ZNF431: variants seen among roughly 807,000 people sequenced by gnomAD.
ZNF431 encodes zinc finger protein 431.
In ZNF431, 34 loss-of-function variants were observed where a neutral mutation model predicts 57.0. That is an observed-to-expected ratio of 0.60 (90% CI 0.45 to 0.79). The LOEUF is 0.79. Ranked by LOEUF, ZNF431 falls within the 30% of genes least tolerant of loss-of-function variation. The probability of loss-of-function intolerance (pLI) is 0.00; values close to 1 mark genes in which losing one functional copy is unlikely to be tolerated. For synonymous variants in ZNF431, 207 were observed against 220.3 expected, an observed-to-expected ratio of 0.94 and a Z score of 0.54; for missense variants, 607 against 667.1, an observed-to-expected ratio of 0.91 and a Z score of 0.99.
intron 4 of ZNF431, among the ~76,000 whole-genome samples, chr19:21,179,177 G>C (rs1310543477): frequency 6.6e-6 from 1 of 152,120 alleles, no homozygotes; most frequent in African/African-American, 2.4e-5. Flanking sequence ...AGTATTTTCC[G>C]AACATTGTTT....
chr19:21,155,835 G>C (rs1970401326), intron 2 of ZNF431, among the ~76,000 whole-genome samples: 1 of 152,130 alleles, frequency 6.6e-6, no homozygotes, highest in African/African-American at 2.4e-5. Flanking sequence ...AGATATCCCA[G>C]AGCCCTGTCC....
chr19:21,173,535 A>T (rs758256850), intron 4 of ZNF431, among the ~76,000 whole-genome samples: 2 of 151,940 alleles, frequency 1.3e-5, no homozygotes, highest in Non-Finnish European at 2.9e-5. Context: ...TTATTTTTTG[A>T]GATGGAGTCT....
intron 4 of ZNF431, among the ~76,000 whole-genome samples, chr19:21,175,170 T>C (rs914403861): frequency 3.3e-5 from 5 of 152,180 alleles, no homozygotes; most frequent in East Asian, 1.9e-4. Context: ...CTCATTTCAG[T>C]TTCTTGAGTA....
intron 4 of ZNF431, among the ~76,000 whole-genome samples, chr19:21,176,809 G>GC (rs1170982607): frequency 1.3e-5 from 2 of 151,986 alleles, no homozygotes; most frequent in Non-Finnish European, 2.9e-5. Flanking sequence ...GCAATTCTCT[G>GC]CCTCAGCTTC....
At chr19:21,168,399 ACT>A (rs1303975305) in intron 4 of ZNF431, among the ~76,000 whole-genome samples, 2 of 150,916 alleles carry the variant, frequency 1.3e-5, no homozygotes, top group African/African-American at 4.9e-5. Flanking sequence ...ACAGAATCTC[ACT>A]CTGTCATCAG....
Position 21,184,229 on chromosome 19 carries a change from A to G in ZNF431, c.*195A>G. 4.1e-6 allele frequency: 2 copies of G among 493,440 alleles called. No individual in the cohort carries two copies. Among genetic ancestry groups the G allele is most frequent in the Non-Finnish European group, 7.1e-6 (2 of 283,606 alleles). 30.6% of individuals were successfully genotyped at this position (493,440 alleles called of 1,614,324 possible). ...TCTGGGTGTGGTGGCACGTGCCTGTATTCCCATCTACTCGGGAGGCTTAGG... is the reference window on the plus strand; with the variant it reads ...TCTGGGTGTGGTGGCACGTGCCTGTGTTCCCATCTACTCGGGAGGCTTAGG... On this transcript the variant is annotated 3_prime_UTR_variant, in exon 5 of 5. Coordinates refer to ENST00000311048, the MANE Select transcript of ZNF431 (RefSeq NM_133473.4).
Position 21,170,220 on chromosome 19 carries a change from C to G in ZNF431, c.319+2554C>G, listed in dbSNP as rs866146123. 2.6e-5 allele frequency among the ~76,000 whole-genome samples: 4 copies of G among 152,158 alleles called. No individual in the cohort carries two copies. In the South Asian group the frequency reaches 6.2e-4, roughly 24 times the overall value. On this transcript the variant is annotated intron_variant, in intron 4 of 4. Transcript: ENST00000311048. ...CTTGTTTATCATCTGGTCTGGAAAT[C>G]CAGGCCTGCAGCAATTCTCCAACCT... is the stretch of plus-strand genomic sequence containing the variant.
rs1227260160 is a variant in ZNF431, at chr19:21,186,389, A to G, written c.*2355A>G. 6.6e-6 allele frequency: 1 copy of G among 152,240 alleles called. No homozygotes were observed. Among genetic ancestry groups the G allele is most frequent in the African/African-American group, 2.4e-5 (1 of 41,460 alleles). 9.4% of individuals were successfully genotyped at this position (152,240 alleles called of 1,614,324 possible). A position where few individuals can be genotyped will look rare whatever the true frequency, so the allele number is the denominator to read the frequency against. Reference sequence around the variant, plus strand: ...TTTAGTTTTGATTCATATAGAGTTAAATACATGTTAGTCTAAAGACAAATC... The same window carrying G: ...TTTAGTTTTGATTCATATAGAGTTAGATACATGTTAGTCTAAAGACAAATC... On this transcript the variant is annotated 3_prime_UTR_variant, in exon 5 of 5. Transcript: ENST00000311048.
rs1971289392 is a variant in ZNF431 at position 21,183,886 on chromosome 19, C to T, written c.1583C>T (p.Thr528Ile). 3.7e-6 allele frequency: 6 copies of T among 1,613,872 alleles called. No homozygotes were observed. Among genetic ancestry groups the T allele is most frequent in the Non-Finnish European group, 5.1e-6 (6 of 1,179,830 alleles). Residue 528 changes from threonine to isoleucine, a missense_variant, in exon 5 of 5, where the codon ACT (threonine) becomes ATT (isoleucine). Coordinates refer to ENST00000311048, the MANE Select transcript of ZNF431 (RefSeq NM_133473.4). ...GCCTTTAACCAATCCTCAACTCTTA[C>T]TAAACATAGGAAAATTCATACTAGA... Reference protein sequence around the residue: ...GKAFNQSSTLTKHRKIHTRQK... With the variant: ...GKAFNQSSTLIKHRKIHTRQK...
intron 2 of ZNF431, among the ~76,000 whole-genome samples, chr19:21,155,615 C>T (rs1458502681): frequency 6.6e-6 from 1 of 152,108 alleles, no homozygotes; most frequent in Non-Finnish European, 1.5e-5. Context: ...CTTGCGGAGT[C>T]CCCAATTTTT....
In ZNF431 at chr19:21,185,297, G is replaced by A. The variant is rs1397392067; in HGVS notation, c.*1263G>A. ...TTGCAGAGTTATAATTACATTCAAAGTATACTTTATTTCTTGAAAAATATT... is the reference window on the plus strand; with the variant it reads ...TTGCAGAGTTATAATTACATTCAAAATATACTTTATTTCTTGAAAAATATT... On this transcript the variant is annotated 3_prime_UTR_variant, in exon 5 of 5. Coordinates refer to ENST00000311048, the MANE Select transcript of ZNF431 (RefSeq NM_133473.4). 2.0e-5 allele frequency: 3 copies of A among 152,134 alleles called. No homozygotes were observed. The highest frequency in any genetic ancestry group is 6.5e-5 in the Admixed American group (1 of 15,276). The allele number at this position is 152,134 out of a possible 1,614,324, so 9.4% of individuals were successfully genotyped here.
chr19:21,189,073 AT>A lies in ZNF431; in HGVS notation c.*5041del, dbSNP rs900915107. On this transcript the variant is annotated 3_prime_UTR_variant, in exon 5 of 5. Transcript: ENST00000311048. ...AAGACACAGTATTTGACACATTGTT[AT>A]TCTTCTATGTTTTATAAATATTTTA... 245 of 152,334 alleles carry A rather than the reference AT, an allele frequency of 1.6e-3. 3 individuals carry two copies. The highest frequency in any genetic ancestry group is 5.5e-3 in the African/African-American group (228 of 41,588). The allele number at this position is 152,334 out of a possible 1,614,324, so 9.4% of individuals were successfully genotyped here.
In ZNF431 at chr19:21,194,306, G is replaced by T. The variant is rs1041843340; in HGVS notation, c.*10272G>T. On this transcript the variant is annotated 3_prime_UTR_variant, in exon 5 of 5. Transcript: ENST00000311048. ...CTTAGAAATACATCAAACCAGGGAGGTAAAATATCTCTACAAGAACTAGAA... is the reference window on the plus strand; with the variant it reads ...CTTAGAAATACATCAAACCAGGGAGTTAAAATATCTCTACAAGAACTAGAA... 1.3e-5 allele frequency: 2 copies of T among 152,056 alleles called. No homozygotes were observed. The allele number at this position is 152,056 out of a possible 1,614,324, so 9.4% of individuals were successfully genotyped here. A position where few individuals can be genotyped will look rare whatever the true frequency, so the allele number is the denominator to read the frequency against.
chr19:21,176,503 A>G (rs995994840), intron 4 of ZNF431, among the ~76,000 whole-genome samples: 1 of 151,910 alleles, frequency 6.6e-6, no homozygotes, highest in Admixed American at 6.6e-5. Context: ...TCGGCCTCCC[A>G]AAGTGCTGGG....
intron 4 of ZNF431, among the ~76,000 whole-genome samples, chr19:21,177,433 T>C (rs1224188252): frequency 6.6e-6 from 1 of 152,168 alleles, no homozygotes; most frequent in Non-Finnish European, 1.5e-5. Context: ...ACTACAGCTT[T>C]GTAGTATAGT....
rs540547067 is a variant in ZNF431, at chr19:21,194,413, C to G, written c.*10379C>G. 4.0e-5 allele frequency: 6 copies of G among 151,778 alleles called. No individual in the cohort carries two copies. The highest frequency in any genetic ancestry group is 9.7e-5 in the African/African-American group (4 of 41,448). The allele number at this position is 151,778 out of a possible 1,614,324, so 9.4% of individuals were successfully genotyped here. ...GATTTGAAGAATGAATAGAAAATGT[C>G]TATGCTGCCTAGAGCAGCCTACAAA... On this transcript the variant is annotated 3_prime_UTR_variant, in exon 5 of 5. Coordinates refer to ENST00000311048, the MANE Select transcript of ZNF431 (RefSeq NM_133473.4).
At chr19:21,154,838 A>G (rs1970375830) in intron 2 of ZNF431, among the ~76,000 whole-genome samples, 1 of 152,130 alleles carries the variant, frequency 6.6e-6, no homozygotes, top group Non-Finnish European at 1.5e-5. Flanking sequence ...GTGTCTGTTC[A>G]TATCCTTTGC....
In ZNF431 at chr19:21,184,224, C is replaced by T. The variant is rs894245315; in HGVS notation, c.*190C>T. The T allele has an allele frequency of 5.9e-6, 3 of 507,496 alleles. No individual in the cohort carries two copies. The highest frequency in any genetic ancestry group is 3.8e-5 in the Admixed American group (1 of 26,496). 31.4% of individuals were successfully genotyped at this position (507,496 alleles called of 1,614,324 possible). ...AATTATCTGGGTGTGGTGGCACGTG[C>T]CTGTATTCCCATCTACTCGGGAGGC... On this transcript the variant is annotated 3_prime_UTR_variant, in exon 5 of 5. Transcript: ENST00000311048.
In ZNF431 at chr19:21,195,720, C is replaced by A. The variant is rs1023155402; in HGVS notation, c.*11686C>A. The A allele has an allele frequency of 5.9e-5, 9 of 152,110 alleles. No individual in the cohort carries two copies. The highest frequency in any genetic ancestry group is 2.2e-4 in the African/African-American group (9 of 41,432). 9.4% of individuals were successfully genotyped at this position (152,110 alleles called of 1,614,324 possible). On this transcript the variant is annotated 3_prime_UTR_variant, in exon 5 of 5. Transcript: ENST00000311048. ...TGTCATTTGCATTATCTATTAAAAACCTGTGGCAGCTCATGGTATTATTGA... is the reference window on the plus strand; with the variant it reads ...TGTCATTTGCATTATCTATTAAAAAACTGTGGCAGCTCATGGTATTATTGA...
Sources: allele counts gnomAD v4.1 joint callset (sites outside exome capture counted in the v4.1 genomes callset), GRCh38; gene constraint gnomAD v4.1.1; transcripts MANE v1.5; gene names NCBI Gene and HGNC (gene_info 2026-07-23, HGNC 2026-07-21).